Variants in RNF125 observed in about 807,000 individuals in gnomAD.
The protein encoded by RNF125 is E3 ubiquitin-protein ligase RNF125.
Under a neutral mutation model 26.0 loss-of-function variants are expected in RNF125, and 21 were observed. The observed-to-expected ratio is 0.81, with a 90% CI of 0.57 to 1.16. RNF125 has a LOEUF of 1.16. Among genes scored for constraint, RNF125 ranks in the 50% most tolerant of loss-of-function variants. RNF125 has a pLI of 0.00. For synonymous variants in RNF125, 95 were observed against 109.2 expected (o/e 0.87, Z 0.81); for missense variants, 270 against 299.4 (o/e 0.90, Z 0.72).
In RNF125 at chr18:32,019,032, G is replaced by C. The variant is rs760465153; in HGVS notation, c.164+5G>C. On this transcript the variant is annotated splice_donor_5th_base_variant and intron_variant, in intron 1 of 5. Coordinates refer to ENST00000217740, the MANE Select transcript of RNF125 (RefSeq NM_017831.4). ...CCGGACCCGCTGTGGCCACGTGTAA[G>C]TTCCAGGGGAGCTCGGTTTGCGCCC... The C allele has an allele frequency of 1.9e-6, 3 of 1,611,562 alleles. No homozygotes were observed. Among genetic ancestry groups the C allele is most frequent in the Non-Finnish European group, 1.7e-6 (2 of 1,178,946 alleles).
chr18:32,058,711 A>C (rs929788215), intron 4 of RNF125, among the ~76,000 whole-genome samples: 5 of 152,024 alleles, frequency 3.3e-5, no homozygotes, highest in African/African-American at 1.2e-4. Context: ...TGAAATGCTA[A>C]ATCTTATACA....
chr18:32,032,075 TTTTTGTTTTG>T (rs1339677063), intron 1 of RNF125, among the ~76,000 whole-genome samples: 1 of 151,774 alleles, frequency 6.6e-6, no homozygotes, highest in Non-Finnish European at 1.5e-5. Flanking sequence ...AATTTTTGTA[TTTTTGTTTTG>T]TTTTGTTTTG....
chr18:32,082,639 C>G, the RNF125 span, among the ~76,000 whole-genome samples: 1 of 152,194 alleles, frequency 6.6e-6, no homozygotes, highest in African/African-American at 2.4e-5. Flanking sequence ...TGTGTGTAGG[C>G]CAGCCTTGGC....
Position 32,068,364 on chromosome 18 carries a change from A to C in RNF125, c.679A>C (p.Asn227His), listed in dbSNP as rs776728236. ...VLDRSLLEYV[N>H]HSNTT is the part of the protein sequence containing the mutation. ...AGACCGGTCACTTCTTGAATATGTGAATCACTCGAACACCACATAATTTTA... is the reference window on the plus strand; with the variant it reads ...AGACCGGTCACTTCTTGAATATGTGCATCACTCGAACACCACATAATTTTA... Residue 227 changes from asparagine to histidine, a missense_variant, in exon 6 of 6, where the codon AAT becomes CAT. By Grantham distance (68) the Asn-to-His change is moderately conservative. Coordinates refer to ENST00000217740, the MANE Select transcript of RNF125 (RefSeq NM_017831.4). 6.3e-7 allele frequency: 1 copy of C among 1,590,082 alleles called. No individual in the cohort carries two copies. Among genetic ancestry groups the C allele is most frequent in the Admixed American group, 1.7e-5 (1 of 59,968 alleles).
At chr18:32,040,943 G>T (rs1287808327) in intron 2 of RNF125, among the ~76,000 whole-genome samples, 2 of 152,194 alleles carry the variant, frequency 1.3e-5, no homozygotes, top group Non-Finnish European at 2.9e-5. Context: ...GTGGATATTT[G>T]TAAAGCCAGG....
At chr18:32,055,655 C>A (rs1230392865) in intron 4 of RNF125, among the ~76,000 whole-genome samples, 1 of 152,072 alleles carries the variant, frequency 6.6e-6, no homozygotes, top group Non-Finnish European at 1.5e-5. Context: ...CCTGGTCTCT[C>A]CCTTGACACT....
At chr18:32,086,442 C>T in the RNF125 span, among the ~76,000 whole-genome samples, 136 of 151,576 alleles carry the variant, frequency 9.0e-4, 2 homozygotes, top group East Asian at 0.021. Flanking sequence ...GCCTTGACCT[C>T]CCAGGCTCAA....
At chr18:32,025,539 C>T (rs2039024958) in intron 1 of RNF125, among the ~76,000 whole-genome samples, 1 of 151,886 alleles carries the variant, frequency 6.6e-6, no homozygotes, top group African/African-American at 2.4e-5. Flanking sequence ...GTGGCAGGCA[C>T]CTGTAATTCC....
intron 2 of RNF125, among the ~76,000 whole-genome samples, chr18:32,037,887 C>G (rs1396650460): frequency 2.0e-5 from 3 of 152,072 alleles, no homozygotes; most frequent in African/African-American, 7.2e-5. Context: ...TCTGATAGGA[C>G]AGAAACGGAA....
At chr18:32,044,647 C>T (rs1192612241) in intron 3 of RNF125, among the ~76,000 whole-genome samples, 1 of 152,082 alleles carries the variant, frequency 6.6e-6, no homozygotes, top group African/African-American at 2.4e-5. Flanking sequence ...GAAGTGCAAT[C>T]TGAGCATGCA....
chr18:32,045,551 ACT>A, intron 3 of RNF125, 89 bp from the exon 4 acceptor site: 2 of 762,738 alleles, frequency 2.6e-6, no homozygotes, highest in Non-Finnish European at 2.1e-6. Context: ...ACAGAGCAAG[ACT>A]CTTGTCTCAA....
At chr18:32,076,727 C>T (rs1216098418), downstream of RNF125, among the ~76,000 whole-genome samples, 1 of 152,172 alleles carries the variant, frequency 6.6e-6, no homozygotes, top group Non-Finnish European at 1.5e-5. Context: ...TCCCTTGATC[C>T]TTATACTTCG....
downstream of RNF125, among the ~76,000 whole-genome samples, chr18:32,075,159 C>A (rs1251448111): frequency 1.3e-5 from 2 of 152,144 alleles, no homozygotes; most frequent in Non-Finnish European, 2.9e-5. Flanking sequence ...CCAACCTGCC[C>A]ATTTCTCACC....
At position 32,059,397 on chromosome 18, in the gene RNF125, C is replaced by T. The variant is rs571237353; in HGVS notation, c.505-6505C>T. On this transcript the variant is annotated intron_variant, in intron 4 of 5. Transcript: ENST00000217740. ...ATGATGCTGAGCACTTTTTCATATG[C>T]CTATTTGCCATTTATATGTCTTCTT... is the stretch of plus-strand genomic sequence containing the variant. 6.6e-5 allele frequency among the ~76,000 whole-genome samples: 10 copies of T among 152,202 alleles called. No individual in the cohort carries two copies. In the South Asian group the frequency reaches 2.1e-3, roughly 32 times the overall value.
rs1336144344 is a variant in RNF125 at position 32,068,345 on chromosome 18, G to A, written c.660G>A (p.Arg220=). The A allele has an allele frequency of 6.2e-7, 1 of 1,600,642 alleles. No individual in the cohort carries two copies. The highest frequency in any genetic ancestry group is 8.6e-7 in the Non-Finnish European group (1 of 1,167,958). ...CTCTTATCCGAAGAGTCTTAGACCG[G>A]TCACTTCTTGAATATGTGAATCACT... ...EEALIRRVLD[R]SLLEYVNHSN... is the part of the protein sequence containing the mutation. Residue 220 remains arginine (R), a synonymous_variant, in exon 6 of 6, where the codon CGG becomes CGA. Coordinates refer to ENST00000217740, the MANE Select transcript of RNF125 (RefSeq NM_017831.4).
At chr18:32,042,610 T>C (rs1328677485) in intron 3 of RNF125, among the ~76,000 whole-genome samples, 1 of 152,028 alleles carries the variant, frequency 6.6e-6, no homozygotes, top group African/African-American at 2.4e-5. Flanking sequence ...CTGAAGTAGA[T>C]TGTGTTTGGG....
intron 4 of RNF125, among the ~76,000 whole-genome samples, chr18:32,064,208 C>T (rs1027125457): frequency 2.6e-5 from 4 of 151,404 alleles, no homozygotes; most frequent in African/African-American, 9.7e-5. Context: ...GTTAGCCAGG[C>T]TGGTCATGAA....
chr18:32,030,249 G>T (rs968250422), intron 1 of RNF125, among the ~76,000 whole-genome samples: 1 of 151,994 alleles, frequency 6.6e-6, no homozygotes, highest in Admixed American at 6.6e-5. Flanking sequence ...CACCATGTTG[G>T]CCAGGCTGAT....
intron 4 of RNF125, among the ~76,000 whole-genome samples, chr18:32,063,676 G>A (rs1039150748): frequency 1.4e-4 from 22 of 152,072 alleles, no homozygotes; most frequent in Non-Finnish European, 8.8e-5. Flanking sequence ...CAACCCAAAT[G>A]CCCTTTACAA....
Sources: gnomAD v4.1 joint callset for allele counts (sites outside exome capture counted in the v4.1 genomes callset) on GRCh38, gnomAD v4.1.1 for gene constraint, MANE v1.5 for transcripts, NCBI Gene and HGNC (gene_info 2026-07-23, HGNC 2026-07-21) for gene names.